Variants in SERINC3 observed in about 807,000 individuals in gnomAD.
SERINC3 encodes serine incorporator 3.
Under a neutral mutation model 52.1 loss-of-function variants are expected in SERINC3, and 22 were observed. The observed-to-expected ratio is 0.42, with a 90% CI of 0.30 to 0.60. The LOEUF (loss-of-function observed/expected upper bound fraction) is 0.60. SERINC3 is among the 20% of genes least tolerant of loss of function. The pLI, the probability that SERINC3 is intolerant of heterozygous loss-of-function variation, is 0.16. For synonymous variants in SERINC3, 226 were observed against 212.7 expected (o/e 1.06, Z -0.54); for missense variants, 564 against 584.6 (o/e 0.96, Z 0.36).
Position 44,506,894 on chromosome 20 carries a change from A to T in SERINC3, c.716T>A (p.Phe239Tyr). The T allele has an allele frequency of 6.2e-7, 1 of 1,613,798 alleles. No homozygotes were observed. The highest frequency in any genetic ancestry group is 8.5e-7 in the Non-Finnish European group (1 of 1,179,886). The stretch of plus-strand genomic sequence containing the variant: ...AAGGATCAGGTTAATACTGATGAAG[A>T]ACTTGTTTTCTGTGCAGCCATCTGG... ...TKPDGCTENKFFISINLILCV... is the reference protein window; with the variant it reads ...TKPDGCTENKYFISINLILCV... Residue 239 changes from phenylalanine to tyrosine, a missense_variant, in exon 6 of 10, where the codon TTC (phenylalanine) becomes TAC (tyrosine). Coordinates refer to ENST00000342374, the MANE Select transcript of SERINC3 (RefSeq NM_006811.4).
intron 4 of SERINC3, 48 bp downstream of exon 4, chr20:44,511,241 A>G (rs745800902): frequency 1.5e-5 from 20 of 1,307,970 alleles, no homozygotes; most frequent in Non-Finnish European, 2.2e-5. Context: ...TCAATCATCT[A>G]TAGAGTTTAT....
chr20:44,521,841 C>T, intron 1 of SERINC3, 72 bp downstream of exon 1: 2 of 1,457,492 alleles, frequency 1.4e-6, no homozygotes, highest in Non-Finnish European at 1.9e-6. Flanking sequence ...AGCCAAGGCC[C>T]GTGCAGCTCT....
intron 5 of SERINC3, among the ~76,000 whole-genome samples, chr20:44,508,736 G>A (rs1036501880): frequency 4.6e-5 from 7 of 152,174 alleles, no homozygotes; most frequent in African/African-American, 7.2e-5. Context: ...CATGTAGGAA[G>A]TGAAAAGAGC....
chr20:44,512,668 A>G lies in SERINC3; in HGVS notation c.395+133T>C, dbSNP rs1403661713. 7.6e-6 allele frequency: 5 copies of G among 654,634 alleles called. No individual in the cohort carries two copies. In the East Asian group the frequency reaches 1.4e-4, roughly 18 times the overall value. 40.6% of individuals were successfully genotyped at this position (654,634 alleles called of 1,614,324 possible). ...ATGACATTAAAACAATTTCACATGC[A>G]TAATAGATCAGAAATGCATCTGAGC... is the stretch of plus-strand genomic sequence containing the variant. On this transcript the variant is annotated intron_variant, in intron 3 of 9. Transcript: ENST00000342374.
chr20:44,520,268 C>T (rs748352467), intron 1 of SERINC3, among the ~76,000 whole-genome samples: 46 of 152,164 alleles, frequency 3.0e-4, no homozygotes, highest in African/African-American at 8.7e-4. Flanking sequence ...CCAGCTACTC[C>T]GGGAGGCTGA....
chr20:44,498,048 G>C lies in SERINC3; in HGVS notation c.*2248C>G, dbSNP rs1050833900. ...AATAGTACGTACTCAACAAATAATA[G>C]CTGACAAGTTTGATAGCCAGAAAAC... On this transcript the variant is annotated 3_prime_UTR_variant, in exon 10 of 10. Coordinates refer to ENST00000342374, the MANE Select transcript of SERINC3 (RefSeq NM_006811.4). The C allele has an allele frequency of 3.3e-5, 5 of 151,704 alleles. No homozygotes were observed. The highest frequency in any genetic ancestry group is 9.7e-5 in the African/African-American group (4 of 41,056). The allele number at this position is 151,704 out of a possible 1,614,324, so 9.4% of individuals were successfully genotyped here. A position where few individuals can be genotyped will look rare whatever the true frequency, so the allele number is the denominator to read the frequency against.
intron 1 of SERINC3, among the ~76,000 whole-genome samples, chr20:44,515,914 C>T (rs1033306598): frequency 1.3e-5 from 2 of 152,008 alleles, no homozygotes; most frequent in Non-Finnish European, 2.9e-5. Flanking sequence ...CACTGGCCAC[C>T]GAAAGTGCTG....
chr20:44,504,165 G>C (rs1238701986), intron 7 of SERINC3, among the ~76,000 whole-genome samples, 170 bp from the exon 8 acceptor site: 1 of 152,012 alleles, frequency 6.6e-6, no homozygotes, highest in South Asian at 2.1e-4. Context: ...CACAATCAAT[G>C]ACAGAATTAG....
intron 3 of SERINC3, among the ~76,000 whole-genome samples, chr20:44,512,360 CAT>C (rs2064353362): frequency 7.3e-6 from 1 of 137,880 alleles, no homozygotes; most frequent in African/African-American, 2.7e-5. Flanking sequence ...GAATTAGAAA[CAT>C]AGGTAAAAGG....
At chr20:44,510,115 C>A in intron 4 of SERINC3, 87 bp from the exon 5 acceptor site, 1 of 1,313,302 alleles carries the variant, frequency 7.6e-7, no homozygotes. Context: ...TCAATTAAAA[C>A]AAGACAGAGG....
chr20:44,515,567 G>A (rs948344646), intron 1 of SERINC3, among the ~76,000 whole-genome samples: 1 of 152,170 alleles, frequency 6.6e-6, no homozygotes, highest in Non-Finnish European at 1.5e-5. Flanking sequence ...GGTTTAATGG[G>A]TAAAGGATTT....
intron 5 of SERINC3, among the ~76,000 whole-genome samples, chr20:44,508,157 ATTC>A (rs2064326311): frequency 6.6e-6 from 1 of 152,190 alleles, no homozygotes; most frequent in South Asian, 2.1e-4. Flanking sequence ...AACTCAATAA[ATTC>A]TTCTAGAGTT....
In SERINC3 at chr20:44,504,826, G is replaced by C. The variant is rs374880541; in HGVS notation, c.849C>G (p.Thr283=). The change falls in exon 7 of 10, where the codon ACC becomes ACG. Residue 283 remains threonine (T), a synonymous_variant. Coordinates refer to ENST00000342374, the MANE Select transcript of SERINC3 (RefSeq NM_006811.4). ...SLITLYTMYL[T]WSAMSNEPDR... is the part of the protein sequence containing the mutation. ...CAGGTTCATTGGACATGGCTGACCA[G>C]GTGAGGTACATAGTGTAGAGGGTGA... 54 of 1,612,314 alleles carry C rather than the reference G, an allele frequency of 3.3e-5. No homozygotes were observed. The highest frequency in any genetic ancestry group is 2.9e-4 in the South Asian group (26 of 90,938).
chr20:44,507,002 G>T lies in SERINC3; in HGVS notation c.614-6C>A. 3.8e-6 allele frequency: 6 copies of T among 1,586,718 alleles called. No individual in the cohort carries two copies. Among genetic ancestry groups the T allele is most frequent in the Non-Finnish European group, 5.1e-6 (6 of 1,169,156 alleles). ...GCTTGTGAAAGACAGTAAAGCTGGA[G>T]AAAGGGAAACCAATATGAATGACCA... On this transcript the variant is annotated splice_region_variant and splice_polypyrimidine_tract_variant and intron_variant, in intron 5 of 9. Coordinates refer to ENST00000342374, the MANE Select transcript of SERINC3 (RefSeq NM_006811.4).
intron 1 of SERINC3, among the ~76,000 whole-genome samples, chr20:44,517,274 TTGACCA>T (rs2064386440): frequency 6.6e-6 from 1 of 152,196 alleles, no homozygotes; most frequent in Non-Finnish European, 1.5e-5. Flanking sequence ...CAATGGGAAA[TTGACCA>T]GCCAGTCTCA....
chr20:44,513,125 CTT>C (rs373634868), intron 2 of SERINC3, 131 bp from the exon 3 acceptor site: 21 of 524,728 alleles, frequency 4.0e-5, no homozygotes, highest in Middle Eastern at 3.1e-4. Context: ...GAATTTTTCT[CTT>C]TGTCTTCCAA....
intron 1 of SERINC3, 153 bp from the exon 2 acceptor site, chr20:44,514,193 G>A: frequency 2.7e-6 from 2 of 745,214 alleles, no homozygotes; most frequent in South Asian, 2.3e-5. Flanking sequence ...TACGGGCTCT[G>A]GAGTAAATAT....
chr20:44,503,993 G>C lies in SERINC3; in HGVS notation c.877C>G (p.Arg293Gly). ...TWSAMSNEPD[R>G]SCNPNLMSFI... ...CTCATCAGGTTGGGATTGCAGGAAC[G>C]ATCTGAAAATGAGAAAATTTGTATT... The change falls in exon 8 of 10, where the codon CGT becomes GGT. Residue 293 changes from arginine to glycine, a missense_variant and splice_region_variant. Coordinates refer to ENST00000342374, the MANE Select transcript of SERINC3 (RefSeq NM_006811.4). The C allele has an allele frequency of 1.3e-6, 2 of 1,569,144 alleles. No homozygotes were observed. Among genetic ancestry groups the C allele is most frequent in the Non-Finnish European group, 1.7e-6 (2 of 1,166,618 alleles).
At chr20:44,502,384 C>G (rs2064285313) in intron 8 of SERINC3, among the ~76,000 whole-genome samples, 2 of 151,544 alleles carry the variant, frequency 1.3e-5, no homozygotes, top group South Asian at 4.2e-4. Flanking sequence ...GACAGGAGCT[C>G]AAGACTGGCC....
Sources: gnomAD v4.1 joint callset for allele counts (sites outside exome capture counted in the v4.1 genomes callset) on GRCh38, gnomAD v4.1.1 for gene constraint, MANE v1.5 for transcripts, NCBI Gene and HGNC (gene_info 2026-07-23, HGNC 2026-07-21) for gene names.